IPO9: variants seen among roughly 807,000 people sequenced by gnomAD.
The protein encoded by IPO9 is importin 9.
IPO9 carries 28 observed loss-of-function variants against 128.6 expected under a neutral mutation model. The ratio of observed to expected loss-of-function variants is 0.22; its 90% confidence interval spans 0.16 to 0.30. The LOEUF is 0.30. Ranked by LOEUF, IPO9 falls within the 10% of genes least tolerant of loss-of-function variation. The pLI, the probability that IPO9 is intolerant of heterozygous loss-of-function variation, is 1.00. For synonymous variants in IPO9, 455 were observed against 475.8 expected (o/e 0.96, Z 0.57); for missense variants, 935 against 1,293.9 (o/e 0.72, Z 4.26).
At chr1:201,866,640 C>A in intron 14 of IPO9, 93 bp from the exon 15 acceptor site, 1 of 930,288 alleles carries the variant, frequency 1.1e-6, no homozygotes, top group Non-Finnish European at 1.7e-6. Flanking sequence ...CTTTATAAAG[C>A]TACACATACA....
intron 1 of IPO9, among the ~76,000 whole-genome samples, chr1:201,835,359 G>T (rs546840150): frequency 1.8e-4 from 28 of 152,296 alleles, no homozygotes; most frequent in East Asian, 7.7e-4. Context: ...GCCATATGGG[G>T]TGATAAGAGA....
At chr1:201,836,047 G>T (rs1164137425) in intron 1 of IPO9, among the ~76,000 whole-genome samples, 1 of 140,602 alleles carries the variant, frequency 7.1e-6, no homozygotes, top group Non-Finnish European at 1.5e-5. Flanking sequence ...GGGAGGCAGA[G>T]CTTGCAGTGA....
rs1344489647 is a variant in IPO9, at chr1:201,883,339, A to G, written c.*7285A>G. 2 of 152,264 alleles carry G rather than the reference A, an allele frequency of 1.3e-5. No individual in the cohort carries two copies. Among genetic ancestry groups the G allele is most frequent in the Non-Finnish European group, 2.9e-5 (2 of 68,118 alleles). The allele number at this position is 152,264 out of a possible 1,614,324, so 9.4% of individuals were successfully genotyped here. On this transcript the variant is annotated 3_prime_UTR_variant, in exon 24 of 24. Transcript: ENST00000361565. ...CAATTAGGCCCAGGGTCCCGGAGGA[A>G]GAAGGGGAGAGAAAAAGGGGGGTAG... is the stretch of plus-strand genomic sequence containing the variant.
rs1022635698 is a variant in IPO9 at position 201,883,046 on chromosome 1, C to T, written c.*6992C>T. The stretch of plus-strand genomic sequence containing the variant: ...GAGGAATGAATTGTAGCACTGCAGC[C>T]CTGCCTGAGGAACATGATAGAAACA... On this transcript the variant is annotated 3_prime_UTR_variant, in exon 24 of 24. Transcript: ENST00000361565. 6.6e-6 allele frequency: 1 copy of T among 152,578 alleles called. No homozygotes were observed. Among genetic ancestry groups the T allele is most frequent in the African/African-American group, 2.4e-5 (1 of 41,414 alleles). 9.5% of individuals were successfully genotyped at this position (152,578 alleles called of 1,614,324 possible). A position where few individuals can be genotyped will look rare whatever the true frequency, so the allele number is the denominator to read the frequency against.
chr1:201,855,977 A>G, intron 10 of IPO9, 43 bp downstream of exon 10: 1 of 1,484,320 alleles, frequency 6.7e-7, no homozygotes, highest in Non-Finnish European at 9.1e-7. Context: ...GTATTTGGAA[A>G]GTGCAACTTG....
At position 201,876,112 on chromosome 1, in the gene IPO9, C is replaced by A; in HGVS notation, c.*58C>A. 2 of 1,134,338 alleles carry A rather than the reference C, an allele frequency of 1.8e-6. No individual in the cohort carries two copies. Among genetic ancestry groups the A allele is most frequent in the Non-Finnish European group, 2.7e-6 (2 of 741,930 alleles). The allele number at this position is 1,134,338 out of a possible 1,614,324, so 70.3% of individuals were successfully genotyped here. ...GGCCAGCCGCAAACCATTTTGCAGC[C>A]CTCACTGGCCTTGAGATGCACTTTC... On this transcript the variant is annotated 3_prime_UTR_variant, in exon 24 of 24. Coordinates refer to ENST00000361565, the MANE Select transcript of IPO9 (RefSeq NM_018085.5).
At chr1:201,859,676 T>C (rs942028018) in intron 13 of IPO9, among the ~76,000 whole-genome samples, 12 of 152,152 alleles carry the variant, frequency 7.9e-5, no homozygotes, top group African/African-American at 2.9e-4. Flanking sequence ...AAGAAAAAAG[T>C]AGGCCAGGCG....
At position 201,879,704 on chromosome 1, in the gene IPO9, C is replaced by CTA. The variant is rs1222632564; in HGVS notation, c.*3653_*3654dup. 1.3e-5 allele frequency: 2 copies of CTA among 152,132 alleles called. No individual in the cohort carries two copies. The highest frequency in any genetic ancestry group is 2.4e-5 in the African/African-American group (1 of 41,420). The allele number at this position is 152,132 out of a possible 1,614,324, so 9.4% of individuals were successfully genotyped here. A position where few individuals can be genotyped will look rare whatever the true frequency, so the allele number is the denominator to read the frequency against. ...AATAACATCTGTGCAGAGTTGAGGACTATAGAGTACTGTGCTGTCACTAAC... is the reference window on the plus strand; with the variant it reads ...AATAACATCTGTGCAGAGTTGAGGACTATATAGAGTACTGTGCTGTCACTAAC... On this transcript the variant is annotated 3_prime_UTR_variant, in exon 24 of 24. Coordinates refer to ENST00000361565, the MANE Select transcript of IPO9 (RefSeq NM_018085.5).
intron 1 of IPO9, among the ~76,000 whole-genome samples, chr1:201,830,148 A>G (rs1020857664): frequency 9.8e-5 from 15 of 152,340 alleles, no homozygotes; most frequent in Non-Finnish European, 1.9e-4. Flanking sequence ...CACCGGGTCC[A>G]GTGTAGCTAC....
rs1477360137 is a variant in IPO9 at position 201,868,639 on chromosome 1, C to T, written c.1856-9C>T. ...GCAGGGGGATTCCGTGTTGCCTTATCCACTTCAGATCCCGTCGTCGCCTCA... is the reference window on the plus strand; with the variant it reads ...GCAGGGGGATTCCGTGTTGCCTTATTCACTTCAGATCCCGTCGTCGCCTCA... On this transcript the variant is annotated splice_polypyrimidine_tract_variant and intron_variant, in intron 15 of 23. Coordinates refer to ENST00000361565, the MANE Select transcript of IPO9 (RefSeq NM_018085.5). 1.2e-6 allele frequency: 2 copies of T among 1,611,692 alleles called. No individual in the cohort carries two copies. The highest frequency in any genetic ancestry group is 3.3e-5 in the Admixed American group (2 of 59,892).
At chr1:201,832,148 G>A (rs191788863) in intron 1 of IPO9, among the ~76,000 whole-genome samples, 8 of 151,690 alleles carry the variant, frequency 5.3e-5, no homozygotes, top group East Asian at 1.9e-4. Context: ...TGATCCACCC[G>A]CCTCGGCCTC....
chr1:201,833,380 AG>A (rs1445243698), intron 1 of IPO9, among the ~76,000 whole-genome samples: 10 of 152,174 alleles, frequency 6.6e-5, no homozygotes, highest in African/African-American at 4.8e-5. Flanking sequence ...CTGGGATTAC[AG>A]GCGCGTACCA....
intron 1 of IPO9, among the ~76,000 whole-genome samples, chr1:201,838,346 G>T (rs1679978361): frequency 6.6e-6 from 1 of 152,198 alleles, no homozygotes. Flanking sequence ...ATTTTAGAGT[G>T]CTTTTTTCCA....
Position 201,876,218 on chromosome 1 carries a change from G to A in IPO9, c.*164G>A, listed in dbSNP as rs540488490. 25 of 728,162 alleles carry A rather than the reference G, an allele frequency of 3.4e-5. No homozygotes were observed. The highest frequency in any genetic ancestry group is 1.6e-4 in the African/African-American group (9 of 57,952). The allele number at this position is 728,162 out of a possible 1,614,324, so 45.1% of individuals were successfully genotyped here. On this transcript the variant is annotated 3_prime_UTR_variant, in exon 24 of 24. Transcript: ENST00000361565. ...GATGACAATTCAGACCAGGCTCACC[G>A]GTGCCGTCACTTAGGAATGCTGGAA...
chr1:201,882,520 A>G lies in IPO9; in HGVS notation c.*6466A>G, dbSNP rs1409097745. 2 of 151,734 alleles carry G rather than the reference A, an allele frequency of 1.3e-5. No homozygotes were observed. Among genetic ancestry groups the G allele is most frequent in the African/African-American group, 4.8e-5 (2 of 41,310 alleles). The allele number at this position is 151,734 out of a possible 1,614,324, so 9.4% of individuals were successfully genotyped here. A position where few individuals can be genotyped will look rare whatever the true frequency, so the allele number is the denominator to read the frequency against. ...ACAGGTCAACATTTGCCATCTAATG[A>G]CACTTACATTCCAGTTTTTTCCTTT... On this transcript the variant is annotated 3_prime_UTR_variant, in exon 24 of 24. Coordinates refer to ENST00000361565, the MANE Select transcript of IPO9 (RefSeq NM_018085.5).
rs1379216808 is a variant in IPO9 at position 201,879,704 on chromosome 1, C to T, written c.*3650C>T. 1.3e-5 allele frequency: 2 copies of T among 152,132 alleles called. No individual in the cohort carries two copies. The highest frequency in any genetic ancestry group is 6.5e-5 in the Admixed American group (1 of 15,274). The allele number at this position is 152,132 out of a possible 1,614,324, so 9.4% of individuals were successfully genotyped here. ...AATAACATCTGTGCAGAGTTGAGGA[C>T]TATAGAGTACTGTGCTGTCACTAAC... On this transcript the variant is annotated 3_prime_UTR_variant, in exon 24 of 24. Transcript: ENST00000361565.
In IPO9 at chr1:201,865,199, C is replaced by CTTTTTT. The variant is rs201084995; in HGVS notation, c.1629-1521_1629-1516dup. Among the ~76,000 whole-genome samples, 548 of 132,780 alleles carry CTTTTTT rather than the reference C, an allele frequency of 4.1e-3. 2 individuals are homozygous for CTTTTTT. Among genetic ancestry groups the CTTTTTT allele is most frequent in the East Asian group, 7.6e-3 (35 of 4,590 alleles). The allele number at this position is 132,780 out of a possible 152,430, so 87.1% of individuals were successfully genotyped here. A position where few individuals can be genotyped will look rare whatever the true frequency, so the allele number is the denominator to read the frequency against. On this transcript the variant is annotated intron_variant, in intron 14 of 23. Transcript: ENST00000361565. ...GTGTCACACTATTGGAACTATTTTT[C>CTTTTTT]TTTTTTTTTTTTTTTTTTCTTTTCT...
intron 19 of IPO9, among the ~76,000 whole-genome samples, chr1:201,872,045 G>T (rs1247567528): frequency 6.6e-6 from 1 of 152,028 alleles, no homozygotes; most frequent in Non-Finnish European, 1.5e-5. Flanking sequence ...GACCAGCCTG[G>T]CAAACATGGT....
chr1:201,860,128 T>C (rs1387856594), intron 13 of IPO9, among the ~76,000 whole-genome samples: 1 of 152,244 alleles, frequency 6.6e-6, no homozygotes, highest in Non-Finnish European at 1.5e-5. Context: ...CTGCCTTTGC[T>C]TTCTCTCTCA....
Sources: gnomAD v4.1 joint callset for allele counts (sites outside exome capture counted in the v4.1 genomes callset) on GRCh38, gnomAD v4.1.1 for gene constraint, MANE v1.5 for transcripts, NCBI Gene and HGNC (gene_info 2026-07-23, HGNC 2026-07-21) for gene names.